ADRA1B: variants seen among roughly 807,000 people sequenced by gnomAD.
ADRA1B encodes adrenoceptor alpha 1B, also known as alpha-1B adrenergic receptor.
Under a neutral mutation model 17.9 loss-of-function variants are expected in ADRA1B, and 17 were observed. The ratio of observed to expected loss-of-function variants is 0.95; its 90% CI spans 0.65 to 1.42. The LOEUF is 1.42. Among genes scored for constraint, ADRA1B ranks in the 40% most tolerant of loss-of-function variants. The probability of loss-of-function intolerance (pLI) is 0.00; values close to 1 mark genes in which losing one functional copy is unlikely to be tolerated. For synonymous variants in ADRA1B, 366 were observed against 327.6 expected (o/e 1.12, Z -1.27); for missense variants, 681 against 722.1 (o/e 0.94, Z 0.65).
At chr5:159,895,718 T>G (rs745901587) in intron 1 of ADRA1B, among the ~76,000 whole-genome samples, 1 of 152,254 alleles carries the variant, frequency 6.6e-6, no homozygotes, top group Non-Finnish European at 1.5e-5. Context: ...TCCAAAGCTC[T>G]CTGCAGTCCA....
chr5:159,974,391 T>A (rs748861526), downstream of ADRA1B, among the ~76,000 whole-genome samples: 28 of 152,018 alleles, frequency 1.8e-4, no homozygotes, highest in Non-Finnish European at 2.9e-4. Context: ...TCCCAGCACT[T>A]TGGGAGGCCG....
intron 1 of ADRA1B, among the ~76,000 whole-genome samples, chr5:159,948,930 A>G (rs1374653385): frequency 6.6e-6 from 1 of 152,208 alleles, no homozygotes; most frequent in Non-Finnish European, 1.5e-5. Flanking sequence ...CCTATGGATA[A>G]ATAATATTAT....
the ADRA1B span, among the ~76,000 whole-genome samples, chr5:159,979,525 C>T: frequency 6.6e-6 from 1 of 152,088 alleles, no homozygotes; most frequent in South Asian, 2.1e-4. Context: ...TGTCCATTTG[C>T]ACAGAATCAG....
the ADRA1B span, among the ~76,000 whole-genome samples, chr5:159,978,298 A>C: frequency 6.6e-6 from 1 of 152,174 alleles, no homozygotes; most frequent in Admixed American, 6.5e-5. Context: ...TGAAAATGCT[A>C]TAATAGCAGA....
chr5:159,966,343 C>T (rs531820926), intron 1 of ADRA1B, among the ~76,000 whole-genome samples: 1 of 152,286 alleles, frequency 6.6e-6, no homozygotes, highest in South Asian at 2.1e-4. Context: ...ATGTTTTTAC[C>T]TTGCTTAATC....
intron 1 of ADRA1B, among the ~76,000 whole-genome samples, chr5:159,888,982 C>G (rs188563045): frequency 6.6e-6 from 1 of 152,350 alleles, no homozygotes; most frequent in African/African-American, 2.4e-5. Context: ...ATGGACGGCT[C>G]ATCCAAGCTC....
At chr5:159,976,849 A>T (rs1755980579), downstream of ADRA1B, among the ~76,000 whole-genome samples, 1 of 152,154 alleles carries the variant, frequency 6.6e-6, no homozygotes, top group African/African-American at 2.4e-5. Flanking sequence ...GGGGACCAGG[A>T]CAGTGGCCCT....
At chr5:159,944,993 G>C (rs909251167) in intron 1 of ADRA1B, among the ~76,000 whole-genome samples, 2 of 152,216 alleles carry the variant, frequency 1.3e-5, no homozygotes, top group Non-Finnish European at 2.9e-5. Context: ...GAAATATGGA[G>C]TGGTGTGCTA....
chr5:159,889,489 G>A (rs2113100907), intron 1 of ADRA1B, among the ~76,000 whole-genome samples: 1 of 152,240 alleles, frequency 6.6e-6, no homozygotes, highest in South Asian at 2.1e-4. Context: ...CTAGATCCCT[G>A]ACTTGCCAGT....
chr5:159,891,629 A>G (rs1403879155), intron 1 of ADRA1B, among the ~76,000 whole-genome samples: 1 of 152,146 alleles, frequency 6.6e-6, no homozygotes, highest in African/African-American at 2.4e-5. Context: ...AAATAAATTG[A>G]CTGTGCTTTT....
At chr5:159,929,680 A>G (rs1298344308) in intron 1 of ADRA1B, among the ~76,000 whole-genome samples, 1 of 151,986 alleles carries the variant, frequency 6.6e-6, no homozygotes, top group Non-Finnish European at 1.5e-5. Context: ...TTGCATGATT[A>G]CTTGTAGCAA....
At chr5:159,876,814 T>C (rs1753809384) in intron 1 of ADRA1B, among the ~76,000 whole-genome samples, 2 of 152,224 alleles carry the variant, frequency 1.3e-5, no homozygotes, top group South Asian at 4.1e-4. Context: ...GATTTGTCCC[T>C]TCTTCTGGAC....
chr5:159,945,738 T>A (rs1195319017), intron 1 of ADRA1B, among the ~76,000 whole-genome samples: 1 of 144,644 alleles, frequency 6.9e-6, no homozygotes, highest in African/African-American at 2.4e-5. Flanking sequence ...TCTGGTGGGT[T>A]TTTTTGTTTG....
chr5:159,891,192 C>T (rs1052311165), intron 1 of ADRA1B, among the ~76,000 whole-genome samples: 10 of 152,310 alleles, frequency 6.6e-5, no homozygotes, highest in African/African-American at 1.7e-4. Context: ...GTTAACCCAA[C>T]GATACTAATT....
At chr5:159,953,932 T>C (rs1755499634) in intron 1 of ADRA1B, among the ~76,000 whole-genome samples, 1 of 151,912 alleles carries the variant, frequency 6.6e-6, no homozygotes, top group Admixed American at 6.6e-5. Flanking sequence ...TTTTCTACCA[T>C]CACCATTCCC....
chr5:159,974,280 A>G (rs1225988120), downstream of ADRA1B, among the ~76,000 whole-genome samples: 1 of 152,218 alleles, frequency 6.6e-6, no homozygotes, highest in African/African-American at 2.4e-5. Flanking sequence ...ACATTCTTAC[A>G]ACTTGATATC....
chr5:159,947,155 A>G (rs13171255), intron 1 of ADRA1B, among the ~76,000 whole-genome samples: 17,529 of 152,202 alleles, frequency 0.12, 1,261 homozygotes, highest in Non-Finnish European at 0.15. Context: ...AGCCTGGCCA[A>G]CATGGCGAAA....
intron 1 of ADRA1B, among the ~76,000 whole-genome samples, chr5:159,958,271 A>T (rs1048252743): frequency 6.6e-6 from 1 of 152,194 alleles, no homozygotes; most frequent in African/African-American, 2.4e-5. Flanking sequence ...TTCTTTCTTA[A>T]ATAGCTATCC....
chr5:159,873,906 G>A (rs1262007973), intron 1 of ADRA1B, among the ~76,000 whole-genome samples: 1 of 152,136 alleles, frequency 6.6e-6, no homozygotes, highest in Non-Finnish European at 1.5e-5. Flanking sequence ...CACCAAAATA[G>A]TATTTGATTG....
Sources: gnomAD v4.1 joint callset for allele counts (sites outside exome capture counted in the v4.1 genomes callset) on GRCh38, gnomAD v4.1.1 for gene constraint, MANE v1.5 for transcripts, NCBI Gene and HGNC (gene_info 2026-07-23, HGNC 2026-07-21) for gene names.